The following SPON1 variants were observed in gnomAD, a reference collection of about 807,000 sequenced individuals.
SPON1 encodes the protein spondin 1, also known as spondin-1.
Under a neutral mutation model 111.7 loss-of-function variants are expected in SPON1, and 52 were observed. The ratio of observed to expected loss-of-function variants is 0.47; its 90% CI spans 0.37 to 0.59. The LOEUF (loss-of-function observed/expected upper bound fraction) is 0.59. Among genes scored for constraint, SPON1 ranks in the 20% least tolerant of loss-of-function variants. The pLI is 0.00. For missense variants in SPON1, 957 were observed against 1,068.5 expected (o/e 0.90, Z 1.46); for synonymous variants, 410 against 395.8 (o/e 1.04, Z -0.43).
At chr11:14,099,864 G>A (rs1253261015) in intron 5 of SPON1, among the ~76,000 whole-genome samples, 1 of 152,034 alleles carries the variant, frequency 6.6e-6, no homozygotes, top group Non-Finnish European at 1.5e-5. Flanking sequence ...GATGTCATAC[G>A]GTGAGAGAAG....
intron 5 of SPON1, among the ~76,000 whole-genome samples, chr11:14,091,495 G>T (rs1227573146): frequency 6.6e-6 from 1 of 152,214 alleles, no homozygotes; most frequent in Non-Finnish European, 1.5e-5. Flanking sequence ...CTCAGGCTCG[G>T]TGAGAAATTG....
intron 6 of SPON1, among the ~76,000 whole-genome samples, chr11:14,164,880 G>T (rs79631355): frequency 2.6e-5 from 4 of 152,152 alleles, no homozygotes; most frequent in African/African-American, 9.7e-5. Context: ...GTTCCTGGGT[G>T]GGGGCCACAA....
intron 5 of SPON1, among the ~76,000 whole-genome samples, chr11:14,120,394 G>C (rs559674017): frequency 3.7e-4 from 57 of 152,082 alleles, no homozygotes; most frequent in South Asian, 8.3e-4. Context: ...TCTCCAAACA[G>C]GGATGTTGCT....
intron 3 of SPON1, among the ~76,000 whole-genome samples, chr11:14,063,271 A>C (rs1488302318): frequency 6.6e-6 from 1 of 152,092 alleles, no homozygotes; most frequent in Non-Finnish European, 1.5e-5. Context: ...TCCCAACATA[A>C]ACATGAGTGG....
At chr11:14,132,257 A>G (rs1441979417) in intron 5 of SPON1, among the ~76,000 whole-genome samples, 8 of 152,128 alleles carry the variant, frequency 5.3e-5, no homozygotes, top group Non-Finnish European at 1.0e-4. Flanking sequence ...TAGCCCAGGC[A>G]ACAGTACAAG....
In SPON1 at chr11:14,262,918, CGA is replaced by C. The variant is rs782706150; in HGVS notation, c.2209_2210del (p.Ser737ProfsTer4). ...SIQKLRWREA[R>X]ESRRSEQLKE... ...CCAAAAGCTACGCTGGAGGGAGGCC[CGA>C]GAGAGCCGGCGGAGTGAGCAGCTGA... On this transcript the variant is annotated frameshift_variant, in exon 15 of 16. Transcript: ENST00000576479. LOFTEE classifies it high-confidence loss of function. 1.9e-6 allele frequency: 3 copies of C among 1,613,622 alleles called. No individual in the cohort carries two copies. Among genetic ancestry groups the C allele is most frequent in the South Asian group, 1.1e-5 (1 of 91,058 alleles).
At chr11:14,262,358 G>C (rs1429299218) in intron 14 of SPON1, 2 of 279,108 alleles carry the variant, frequency 7.2e-6, no homozygotes, top group Non-Finnish European at 1.4e-5. Flanking sequence ...TCACCAGTGA[G>C]TTTGGGACTG....
chr11:14,056,734 C>CA (rs1159953434), intron 3 of SPON1, among the ~76,000 whole-genome samples: 15 of 151,870 alleles, frequency 9.9e-5, no homozygotes, highest in African/African-American at 3.4e-4. Flanking sequence ...CTTAAAAATA[C>CA]AAAAAAATTA....
At chr11:14,209,128 A>G (rs1448749900) in intron 6 of SPON1, among the ~76,000 whole-genome samples, 2 of 152,106 alleles carry the variant, frequency 1.3e-5, no homozygotes, top group Non-Finnish European at 2.9e-5. Flanking sequence ...GAAAGGGAGA[A>G]GTTACCCATA....
intron 2 of SPON1, among the ~76,000 whole-genome samples, chr11:14,003,363 G>A (rs1230392337): frequency 1.3e-5 from 2 of 152,194 alleles, no homozygotes; most frequent in Non-Finnish European, 2.9e-5. Context: ...AACAGCGAGA[G>A]AAAAGGGATG....
rs189039494 is a variant in SPON1, at chr11:14,130,447, T to G, written c.677-4973T>G. On this transcript the variant is annotated intron_variant, in intron 5 of 15. Coordinates refer to ENST00000576479, the MANE Select transcript of SPON1 (RefSeq NM_006108.4). Reference sequence around the variant, plus strand: ...ACATGTATTAGGCTGATATGGTTTGTCTCTGTGTTGTGTTTGTTCTCAAAC... The same window carrying G: ...ACATGTATTAGGCTGATATGGTTTGGCTCTGTGTTGTGTTTGTTCTCAAAC... 9.9e-5 allele frequency among the ~76,000 whole-genome samples: 15 copies of G among 152,282 alleles called. No individual in the cohort carries two copies. The South Asian group carries it at 1.2e-3, about 13-fold the overall frequency.
intron 6 of SPON1, among the ~76,000 whole-genome samples, chr11:14,242,340 T>G (rs1848937680): frequency 6.6e-6 from 1 of 152,216 alleles, no homozygotes; most frequent in African/African-American, 2.4e-5. Flanking sequence ...TCTCTTCCCC[T>G]GGAACTCAGG....
At chr11:14,190,057 G>A (rs1554934408) in intron 6 of SPON1, among the ~76,000 whole-genome samples, 3 of 152,178 alleles carry the variant, frequency 2.0e-5, no homozygotes, top group Admixed American at 6.5e-5. Context: ...TTTGGCAGGC[G>A]CTGGGTAGCA....
intron 6 of SPON1, among the ~76,000 whole-genome samples, chr11:14,184,383 T>A (rs947711108): frequency 6.6e-6 from 1 of 152,238 alleles, no homozygotes. Flanking sequence ...CTTTGTGGAA[T>A]GAGGCAAGAG....
intron 6 of SPON1, among the ~76,000 whole-genome samples, chr11:14,200,460 G>C (rs1554935496): frequency 2.6e-5 from 4 of 152,078 alleles, no homozygotes; most frequent in African/African-American, 9.7e-5. Flanking sequence ...CTTCTATAAA[G>C]ATTTTTTGTT....
Position 14,006,078 on chromosome 11 carries a change from C to T in SPON1, c.345+23125C>T, listed in dbSNP as rs143333264. ...GAGAAGCTGATCTTTAACTGAATCT[C>T]AAGGGCTATAGAAAGAGCAGTCTCG... On this transcript the variant is annotated intron_variant, in intron 2 of 15. Transcript: ENST00000576479. 3.5e-3 allele frequency among the ~76,000 whole-genome samples: 537 copies of T among 152,226 alleles called. 2 individuals are homozygous for T. The highest frequency in any genetic ancestry group is 0.012 in the African/African-American group (500 of 41,526).
chr11:14,016,250 A>G (rs1156245381), intron 2 of SPON1, among the ~76,000 whole-genome samples: 1 of 152,242 alleles, frequency 6.6e-6, no homozygotes, highest in South Asian at 2.1e-4. Flanking sequence ...CACTTTACAC[A>G]TGTGATCTCA....
intron 6 of SPON1, among the ~76,000 whole-genome samples, chr11:14,172,949 G>A (rs1848124859): frequency 6.6e-6 from 1 of 151,722 alleles, no homozygotes. Context: ...TTCAACTTTG[G>A]TGAATCTGAC....
At chr11:14,071,934 A>G (rs1848880306) in intron 3 of SPON1, among the ~76,000 whole-genome samples, 2 of 152,218 alleles carry the variant, frequency 1.3e-5, no homozygotes, top group African/African-American at 2.4e-5. Context: ...CCTGACCTCA[A>G]GTGATCCATC....
Sources: gnomAD v4.1 joint callset for allele counts (sites outside exome capture counted in the v4.1 genomes callset) on GRCh38, gnomAD v4.1.1 for gene constraint, MANE v1.5 for transcripts, NCBI Gene and HGNC (gene_info 2026-07-23, HGNC 2026-07-21) for gene names.